Variants in SLC14A2 observed in about 807,000 individuals in gnomAD.
The protein encoded by SLC14A2 is urea transporter 2.
In SLC14A2, 91 loss-of-function variants were observed where a neutral mutation model predicts 104.6. The ratio of observed to expected loss-of-function variants is 0.87; its 90% CI spans 0.73 to 1.04. The LOEUF is 1.04. Ranked by LOEUF, SLC14A2 falls within the 50% of genes least tolerant of loss-of-function variation. The pLI, the probability that SLC14A2 is intolerant of heterozygous loss-of-function variation, is 0.00. For synonymous variants in SLC14A2, 476 were observed against 466.4 expected (o/e 1.02, Z -0.27); for missense variants, 1,189 against 1,156.0 (o/e 1.03, Z -0.41).
chr18:45,280,409 G>A (rs6507606), intron 1 of SLC14A2, among the ~76,000 whole-genome samples: 12,834 of 152,176 alleles, frequency 0.084, 1,485 homozygotes, highest in African/African-American at 0.26. Flanking sequence ...CAAGCAGGTT[G>A]GAAGCGGCAG....
chr18:45,550,761 G>A (rs1285419450), intron 2 of SLC14A2, among the ~76,000 whole-genome samples: 1 of 152,174 alleles, frequency 6.6e-6, no homozygotes, highest in African/African-American at 2.4e-5. Context: ...AGGAAAATAA[G>A]GGATTAGAGG....
At chr18:45,552,673 AGAG>A (rs1245127373) in intron 2 of SLC14A2, among the ~76,000 whole-genome samples, 1 of 152,202 alleles carries the variant, frequency 6.6e-6, no homozygotes, top group African/African-American at 2.4e-5. Context: ...GGTTAGACAA[AGAG>A]GAGCAGAGAC....
chr18:45,620,215 T>C (rs2045142520), intron 1 of SLC14A2, among the ~76,000 whole-genome samples: 1 of 152,196 alleles, frequency 6.6e-6, no homozygotes, highest in Non-Finnish European at 1.5e-5. Context: ...GCTGAGGCCC[T>C]GGACCCAGGC....
At chr18:45,514,990 A>G (rs1165816825) in intron 2 of SLC14A2, among the ~76,000 whole-genome samples, 1 of 152,226 alleles carries the variant, frequency 6.6e-6, no homozygotes, top group African/African-American at 2.4e-5. Flanking sequence ...TTGAAACATA[A>G]TAAGAAAATA....
chr18:45,579,092 A>T (rs557015254), intron 2 of SLC14A2, among the ~76,000 whole-genome samples: 1 of 49,270 alleles, frequency 2.0e-5, no homozygotes, highest in East Asian at 4.1e-4. Flanking sequence ...AGAAAGCAGA[A>T]GCTGCAAGGC....
At position 45,414,760 on chromosome 18, in the gene SLC14A2, ATATATATAT is replaced by A. The variant is rs2086256410; in HGVS notation, c.-124-68472_-124-68464del. Among the ~76,000 whole-genome samples the A allele has an allele frequency of 1.1e-3, 62 of 55,270 alleles. 1 individual carries two copies. The highest frequency in any genetic ancestry group is 3.9e-3 in the Admixed American group (18 of 4,644). 36.3% of individuals were successfully genotyped at this position (55,270 alleles called of 152,430 possible). A position where few individuals can be genotyped will look rare whatever the true frequency, so the allele number is the denominator to read the frequency against. ...CACCGAGCGTAAAAAAAAAAAAAAT[ATATATATAT>A]ATATATATATATATATATATATATA... On this transcript the variant is annotated intron_variant, in intron 1 of 20. Coordinates refer to the SLC14A2 transcript ENST00000586448.
chr18:45,237,516 C>T (rs1289261743), intron 1 of SLC14A2, among the ~76,000 whole-genome samples: 5 of 152,216 alleles, frequency 3.3e-5, no homozygotes, highest in African/African-American at 9.6e-5. Context: ...GCTTTAACTA[C>T]GCTCCCCATT....
chr18:45,242,495 G>C (rs1167976406), intron 1 of SLC14A2, among the ~76,000 whole-genome samples: 1 of 152,126 alleles, frequency 6.6e-6, no homozygotes, highest in African/African-American at 2.4e-5. Context: ...TTGGAGTTTA[G>C]GTTATTACTA....
Position 45,258,572 on chromosome 18 carries a change from T to C in SLC14A2, c.-125+45381T>C, listed in dbSNP as rs2084503816. Among the ~76,000 whole-genome samples the C allele has an allele frequency of 1.4e-5, 2 of 143,520 alleles. 1 individual carries two copies. Among genetic ancestry groups the C allele is most frequent in the Admixed American group, 1.4e-4 (2 of 14,768 alleles). The allele number at this position is 143,520 out of a possible 152,430, so 94.2% of individuals were successfully genotyped here. A position where few individuals can be genotyped will look rare whatever the true frequency, so the allele number is the denominator to read the frequency against. On this transcript the variant is annotated intron_variant, in intron 1 of 20. Transcript: ENST00000586448. ...TTGTCTTCTCAACTGAACTTTAAGC[T>C]TCTTGTAGGCAAGGACCTTTCTTAT...
chr18:45,220,297 G>T (rs909772977), intron 1 of SLC14A2, among the ~76,000 whole-genome samples: 1 of 152,316 alleles, frequency 6.6e-6, no homozygotes, highest in Non-Finnish European at 1.5e-5. Flanking sequence ...TTGCAGGAGA[G>T]TCTGTCTGAG....
rs142136614 is a variant in SLC14A2, at chr18:45,510,002, G to T, written c.-35+26680G>T. ...GGGGTTGCCCATAATCCTACCCCCT[G>T]TTAGGGGCAGAGCCAAGCCCCAAAC... On this transcript the variant is annotated intron_variant, in intron 2 of 20. Coordinates refer to the SLC14A2 transcript ENST00000586448. Among the ~76,000 whole-genome samples, 128 of 152,142 alleles carry T rather than the reference G, an allele frequency of 8.4e-4. 1 individual carries two copies. The East Asian group carries it at 0.023, about 28-fold the overall frequency.
intron 10 of SLC14A2, chr18:45,646,279 G>C (rs2045625627): frequency 6.6e-6 from 1 of 152,192 alleles, no homozygotes; most frequent in Non-Finnish European, 1.5e-5. Context: ...GGGAGGTTCA[G>C]AGAATCCCAA....
intron 2 of SLC14A2, among the ~76,000 whole-genome samples, chr18:45,551,076 C>A (rs1472044701): frequency 6.6e-6 from 1 of 152,052 alleles, no homozygotes; most frequent in Non-Finnish European, 1.5e-5. Flanking sequence ...GGCCTAGAAC[C>A]AATAATTAAT....
intron 1 of SLC14A2, among the ~76,000 whole-genome samples, chr18:45,331,532 TA>T (rs1037129382): frequency 4.7e-5 from 7 of 147,386 alleles, no homozygotes; most frequent in African/African-American, 1.5e-4. Flanking sequence ...GTACTAAAAA[TA>T]AAAAAAAATT....
At chr18:45,191,641 T>TG in the SLC14A2 span, among the ~76,000 whole-genome samples, 2 of 152,090 alleles carry the variant, frequency 1.3e-5, no homozygotes, top group East Asian at 1.9e-4. Context: ...CTAGGTCCCC[T>TG]GGGGGGGAAA....
intron 1 of SLC14A2, among the ~76,000 whole-genome samples, chr18:45,313,481 T>A (rs1272318095): frequency 2.0e-5 from 3 of 152,184 alleles, no homozygotes; most frequent in African/African-American, 7.2e-5. Context: ...CGTCTCTCAT[T>A]CAGTCTATAT....
chr18:45,188,604 T>C, the SLC14A2 span, among the ~76,000 whole-genome samples: 3 of 152,152 alleles, frequency 2.0e-5, no homozygotes, highest in Admixed American at 2.0e-4. Flanking sequence ...ATCCCAGGTT[T>C]CAACTCCCTG....
intron 10 of SLC14A2, among the ~76,000 whole-genome samples, chr18:45,648,398 G>T (rs902646216): frequency 2.6e-5 from 4 of 151,650 alleles, no homozygotes; most frequent in Non-Finnish European, 4.4e-5. Flanking sequence ...GTAGAGATGG[G>T]GTTTCACCGT....
intron 10 of SLC14A2, among the ~76,000 whole-genome samples, chr18:45,660,707 GT>G (rs1176614363): frequency 3.9e-5 from 6 of 152,294 alleles, no homozygotes; most frequent in African/African-American, 1.4e-4. Context: ...TCCCACCAGT[GT>G]TACTGTTTTC....
Sources: gnomAD v4.1 joint callset for allele counts (sites outside exome capture counted in the v4.1 genomes callset) on GRCh38, gnomAD v4.1.1 for gene constraint, MANE v1.5 for transcripts, NCBI Gene and HGNC (gene_info 2026-07-23, HGNC 2026-07-21) for gene names.